RNF180: variants seen among roughly 807,000 people sequenced by gnomAD.
RNF180 encodes E3 ubiquitin-protein ligase RNF180.
Under a neutral mutation model 59.2 loss-of-function variants are expected in RNF180, and 38 were observed. The observed-to-expected ratio is 0.64, with a 90% confidence interval of 0.50 to 0.84. The LOEUF (loss-of-function observed/expected upper bound fraction) is 0.84, where lower values mean the gene tolerates loss of function less well. Among genes scored for constraint, RNF180 ranks in the 40% least tolerant of loss-of-function variants. The pLI is 0.00. For synonymous variants in RNF180, 262 were observed against 240.3 expected, an observed-to-expected ratio of 1.09 and a Z score of -0.84; for missense variants, 705 against 700.9, an observed-to-expected ratio of 1.01 and a Z score of -0.07.
At chr5:64,215,050 A>G (rs761724041) in intron 4 of RNF180, among the ~76,000 whole-genome samples, 4 of 152,100 alleles carry the variant, frequency 2.6e-5, no homozygotes, top group Non-Finnish European at 5.9e-5. Context: ...TCTAAAGGGT[A>G]ATTTACCCTT....
intron 5 of RNF180, among the ~76,000 whole-genome samples, chr5:64,260,815 G>T (rs1330253952): frequency 6.6e-6 from 1 of 152,118 alleles, no homozygotes; most frequent in Non-Finnish European, 1.5e-5. Flanking sequence ...TGTCTTAAAA[G>T]ACTGTGGTAG....
intron 5 of RNF180, among the ~76,000 whole-genome samples, chr5:64,218,714 T>A (rs1380590200): frequency 2.6e-5 from 4 of 152,218 alleles, no homozygotes; most frequent in African/African-American, 4.8e-5. Context: ...TGGTATGTCT[T>A]TCTTTTTAAG....
chr5:64,201,065 CTT>C, intron 2 of RNF180, 123 bp downstream of exon 2: 2 of 735,854 alleles, frequency 2.7e-6, no homozygotes, highest in East Asian at 5.4e-5. Context: ...TGTCATGACT[CTT>C]TGTCTCTCAC....
intron 5 of RNF180, among the ~76,000 whole-genome samples, chr5:64,232,031 T>G (rs148163478): frequency 6.6e-6 from 1 of 152,340 alleles, no homozygotes; most frequent in East Asian, 1.9e-4. Flanking sequence ...TCAAAAGTCT[T>G]TGACTGCTTG....
Position 64,367,975 on chromosome 5 carries a change from A to G in RNF180, c.1580-1640A>G, listed in dbSNP as rs553411935. ...CTGAGTTTATATATTGGTCAACCAAAAAAAACAAGTTGCTATTGAGCAGGT... is the reference window on the plus strand; with the variant it reads ...CTGAGTTTATATATTGGTCAACCAAGAAAAACAAGTTGCTATTGAGCAGGT... On this transcript the variant is annotated intron_variant, in intron 7 of 7. Transcript: ENST00000389100. 2.0e-5 allele frequency among the ~76,000 whole-genome samples: 3 copies of G among 151,664 alleles called. No homozygotes were observed. The South Asian group carries it at 6.2e-4, about 31-fold the overall frequency.
At chr5:64,238,394 A>T (rs1181099551) in intron 5 of RNF180, among the ~76,000 whole-genome samples, 1 of 152,208 alleles carries the variant, frequency 6.6e-6, no homozygotes, top group East Asian at 1.9e-4. Context: ...TTCTATTTTT[A>T]TTATTTAAAG....
chr5:64,250,539 A>G (rs1743501605), intron 5 of RNF180, among the ~76,000 whole-genome samples: 1 of 152,278 alleles, frequency 6.6e-6, no homozygotes, highest in South Asian at 2.1e-4. Context: ...GCAGAAAATG[A>G]GAAGACTCAA....
At chr5:64,210,783 A>AG (rs1752273940) in intron 2 of RNF180, among the ~76,000 whole-genome samples, 1 of 152,150 alleles carries the variant, frequency 6.6e-6, no homozygotes, top group Non-Finnish European at 1.5e-5. Flanking sequence ...CTCCTGGTAT[A>AG]GGGGATGGCA....
At chr5:64,274,532 A>C (rs1741605284) in intron 5 of RNF180, among the ~76,000 whole-genome samples, 1 of 151,992 alleles carries the variant, frequency 6.6e-6, no homozygotes, top group South Asian at 2.1e-4. Context: ...TTATGGAAGC[A>C]ATTCTGTGGG....
At chr5:64,236,509 C>G (rs558649175) in intron 5 of RNF180, among the ~76,000 whole-genome samples, 6 of 152,262 alleles carry the variant, frequency 3.9e-5, no homozygotes, top group South Asian at 4.1e-4. Flanking sequence ...AATTTTGCTG[C>G]CTGACCATGT....
chr5:64,286,066 C>T (rs1339237127), intron 5 of RNF180, among the ~76,000 whole-genome samples: 2 of 152,162 alleles, frequency 1.3e-5, no homozygotes, highest in Non-Finnish European at 2.9e-5. Flanking sequence ...GTATGGGTTC[C>T]AATCTCCCTC....
intron 5 of RNF180, among the ~76,000 whole-genome samples, chr5:64,317,384 T>G (rs1406050578): frequency 6.6e-6 from 1 of 152,202 alleles, no homozygotes; most frequent in Middle Eastern, 3.4e-3. Context: ...AAAAAAATAC[T>G]GATAGATATT....
intron 1 of RNF180, among the ~76,000 whole-genome samples, chr5:64,176,551 A>G (rs1750247707): frequency 6.6e-6 from 1 of 152,044 alleles, no homozygotes; most frequent in African/African-American, 2.4e-5. Flanking sequence ...TTTTTAGAAA[A>G]TTTTTGAGAA....
chr5:64,327,680 T>C (rs1228123911), intron 6 of RNF180, among the ~76,000 whole-genome samples: 4 of 152,218 alleles, frequency 2.6e-5, no homozygotes, highest in Non-Finnish European at 5.9e-5. Flanking sequence ...TATACTTCTT[T>C]TGTTCTAACA....
intron 2 of RNF180, among the ~76,000 whole-genome samples, chr5:64,211,414 T>A (rs1752303870): frequency 6.6e-6 from 1 of 152,150 alleles, no homozygotes; most frequent in South Asian, 2.1e-4. Context: ...GGCTAATTTA[T>A]AAAGTTTATA....
chr5:64,263,560 G>A (rs1028628067), intron 5 of RNF180, among the ~76,000 whole-genome samples: 4 of 152,204 alleles, frequency 2.6e-5, no homozygotes, highest in Admixed American at 6.5e-5. Context: ...AGCAATTGAC[G>A]GAATGGCTTC....
chr5:64,273,735 A>G (rs1741560812), intron 5 of RNF180, among the ~76,000 whole-genome samples: 1 of 152,040 alleles, frequency 6.6e-6, no homozygotes, highest in Admixed American at 6.6e-5. Context: ...GACAGGAAGA[A>G]GAAAGAGGGA....
chr5:64,317,603 C>CACACACACACACACATATAT (rs1187184650), intron 5 of RNF180, among the ~76,000 whole-genome samples: 2 of 113,990 alleles, frequency 1.8e-5, no homozygotes, highest in East Asian at 5.8e-4. Context: ...TTTATACACA[C>CACACACACACACACATATAT]ACACACACAC....
chr5:64,366,643 C>A lies in RNF180; in HGVS notation c.1580-2972C>A, dbSNP rs150933578. 2.6e-3 allele frequency among the ~76,000 whole-genome samples: 399 copies of A among 151,444 alleles called. 5 individuals carry two copies. The highest frequency in any genetic ancestry group is 9.3e-3 in the African/African-American group (386 of 41,434). On this transcript the variant is annotated intron_variant, in intron 7 of 7. Transcript: ENST00000389100. ...TAAAGCAGAAGAAAAAATGTCAGAA[C>A]TTTAAGACAGGTCTCTTGAAATAAC...
Sources: gnomAD v4.1 joint callset for allele counts (sites outside exome capture counted in the v4.1 genomes callset) on GRCh38, gnomAD v4.1.1 for gene constraint, MANE v1.5 for transcripts, NCBI Gene and HGNC (gene_info 2026-07-23, HGNC 2026-07-21) for gene names.